Variants in LRRC20 observed in about 807,000 individuals in gnomAD.
LRRC20 encodes leucine-rich repeat-containing protein 20.
In LRRC20, 11 loss-of-function variants were observed where a neutral mutation model predicts 14.4. That is an observed-to-expected ratio of 0.77 (90% CI 0.48 to 1.27). The LOEUF is 1.27. Ranked by LOEUF, LRRC20 falls within the 50% of genes most tolerant of loss-of-function variation. LRRC20 has a pLI of 0.00. For missense variants in LRRC20, 219 were observed against 251.2 expected (o/e 0.87, Z 0.87); for synonymous variants, 121 against 107.3 (o/e 1.13, Z -0.79).
intron 2 of LRRC20, among the ~76,000 whole-genome samples, chr10:70,346,837 T>G (rs1353091752): frequency 6.6e-6 from 1 of 152,234 alleles, no homozygotes; most frequent in East Asian, 1.9e-4. Context: ...TTGCCAAGTA[T>G]CTGTATACAG....
At chr10:70,338,724 G>A (rs1424807978) in intron 3 of LRRC20, among the ~76,000 whole-genome samples, 6 of 152,194 alleles carry the variant, frequency 3.9e-5, no homozygotes, top group Admixed American at 1.3e-4. Context: ...GCAGTGGCAC[G>A]ATCGCAGCTC....
At chr10:70,322,696 G>A (rs1842133176) in intron 4 of LRRC20, among the ~76,000 whole-genome samples, 2 of 152,152 alleles carry the variant, frequency 1.3e-5, no homozygotes, top group Non-Finnish European at 2.9e-5. Flanking sequence ...CGTCTATCCT[G>A]GGCACAGGGC....
chr10:70,382,263 T>C (rs1844734126), intron 1 of LRRC20, among the ~76,000 whole-genome samples: 1 of 152,204 alleles, frequency 6.6e-6, no homozygotes, highest in Non-Finnish European at 1.5e-5. Context: ...GAGCTCCCTA[T>C]TCCCTGGCAC....
At position 70,323,824 on chromosome 10, in the gene LRRC20, G is replaced by A. The variant is rs180743589; in HGVS notation, c.400+39C>T. On this transcript the variant is annotated intron_variant, in intron 4 of 4. Transcript: ENST00000446961. ...GAGTCCTGTGGCCCATGAGCGCCTC[G>A]TGCAGCAGCCCAGGGCCAGGTGGGC... is the stretch of plus-strand genomic sequence containing the variant. 6.0e-5 allele frequency: 96 copies of A among 1,610,158 alleles called. 1 individual carries two copies. The South Asian group carries it at 6.7e-4, about 11-fold the overall frequency.
intron 2 of LRRC20, among the ~76,000 whole-genome samples, chr10:70,362,318 A>C (rs1445812691): frequency 2.0e-5 from 3 of 152,268 alleles, no homozygotes; most frequent in Non-Finnish European, 4.4e-5. Context: ...TTAATAGTTC[A>C]AAGGACTGAT....
intron 2 of LRRC20, among the ~76,000 whole-genome samples, chr10:70,353,872 C>A (rs545504037): frequency 2.0e-5 from 3 of 152,136 alleles, no homozygotes; most frequent in Non-Finnish European, 4.4e-5. Flanking sequence ...GCAGATAGAT[C>A]TTCCATGATT....
At chr10:70,347,552 C>T (rs537648171) in intron 2 of LRRC20, among the ~76,000 whole-genome samples, 64 of 152,116 alleles carry the variant, frequency 4.2e-4, no homozygotes, top group Non-Finnish European at 8.2e-4. Context: ...GGCACGGTGG[C>T]TCACGTGTGT....
At chr10:70,306,023 G>C (rs2136868383) in intron 4 of LRRC20, among the ~76,000 whole-genome samples, 1 of 152,260 alleles carries the variant, frequency 6.6e-6, no homozygotes, top group East Asian at 1.9e-4. Flanking sequence ...TCCAAGGCGT[G>C]AGCCACTGCG....
intron 3 of LRRC20, among the ~76,000 whole-genome samples, chr10:70,325,801 C>T (rs897838526): frequency 6.6e-6 from 1 of 152,180 alleles, no homozygotes; most frequent in African/African-American, 2.4e-5. Context: ...TGAGTCTGTC[C>T]TTCCTCCCTT....
rs1347583056 is a variant in LRRC20, at chr10:70,353,883, TA to T, written c.83-13182del. Among the ~76,000 whole-genome samples the T allele has an allele frequency of 2.6e-5, 4 of 152,112 alleles. No individual in the cohort carries two copies. The East Asian group carries it at 7.7e-4, about 29-fold the overall frequency. On this transcript the variant is annotated intron_variant, in intron 2 of 4. Coordinates refer to ENST00000446961, the MANE Select transcript of LRRC20 (RefSeq NM_001278212.2). ...ATGAGCAGATAGATCTTCCATGATT[TA>T]CAATGGGTTCCCTGGGAACACTAGT...
intron 2 of LRRC20, among the ~76,000 whole-genome samples, chr10:70,341,637 A>G (rs1411301193): frequency 6.6e-6 from 1 of 152,070 alleles, no homozygotes; most frequent in Non-Finnish European, 1.5e-5. Flanking sequence ...GCATGGTGGT[A>G]TGTACCTGTA....
chr10:70,361,125 T>C (rs891946218), intron 2 of LRRC20, among the ~76,000 whole-genome samples: 1 of 151,618 alleles, frequency 6.6e-6, no homozygotes, highest in Non-Finnish European at 1.5e-5. Flanking sequence ...AGTTCAAATC[T>C]CAGCACAAGA....
At chr10:70,332,760 C>G (rs768819782) in intron 3 of LRRC20, among the ~76,000 whole-genome samples, 1 of 152,188 alleles carries the variant, frequency 6.6e-6, no homozygotes, top group African/African-American at 2.4e-5. Context: ...ATTATAAATG[C>G]TACTATTATG....
At position 70,319,173 on chromosome 10, in the gene LRRC20, G is replaced by GAA. The variant is rs11439728; in HGVS notation, c.400+4688_400+4689dup. Reference sequence around the variant, plus strand: ...CTCTCTGGAGCAGTGGGTGTATAGGGAAAAAAAAAAAAAAAAAGAAAGAAA... The same window carrying GAA: ...CTCTCTGGAGCAGTGGGTGTATAGGGAAAAAAAAAAAAAAAAAAAGAAAGAAA... On this transcript the variant is annotated intron_variant, in intron 4 of 4. Transcript: ENST00000446961. Among the ~76,000 whole-genome samples, 698 of 125,250 alleles carry GAA rather than the reference G, an allele frequency of 5.6e-3. 15 individuals are homozygous for GAA. In the South Asian group the frequency reaches 0.072, roughly 13 times the overall value. 82.2% of individuals were successfully genotyped at this position (125,250 alleles called of 152,430 possible). A position where few individuals can be genotyped will look rare whatever the true frequency, so the allele number is the denominator to read the frequency against.
At chr10:70,307,960 C>A (rs910587739) in intron 4 of LRRC20, among the ~76,000 whole-genome samples, 1 of 152,246 alleles carries the variant, frequency 6.6e-6, no homozygotes, top group African/African-American at 2.4e-5. Flanking sequence ...ATCCGCTGAG[C>A]AGCAGCCCAG....
chr10:70,374,159 A>G (rs1250147711), intron 2 of LRRC20, among the ~76,000 whole-genome samples: 10 of 152,056 alleles, frequency 6.6e-5, no homozygotes, highest in Admixed American at 6.6e-4. Context: ...CAACTCAGGC[A>G]CACCCCTGCC....
intron 2 of LRRC20, among the ~76,000 whole-genome samples, chr10:70,369,301 G>C (rs556417860): frequency 6.6e-6 from 1 of 152,206 alleles, no homozygotes; most frequent in African/African-American, 2.4e-5. Flanking sequence ...ATCCCTCGGG[G>C]CAGGCAGCAG....
At chr10:70,338,990 G>A (rs1439477498) in intron 3 of LRRC20, among the ~76,000 whole-genome samples, 3 of 151,772 alleles carry the variant, frequency 2.0e-5, no homozygotes, top group African/African-American at 7.3e-5. Context: ...CACCTCTTGG[G>A]TATATACGTA....
chr10:70,357,871 T>C (rs78429704), intron 2 of LRRC20, among the ~76,000 whole-genome samples: 7,347 of 152,272 alleles, frequency 0.048, 226 homozygotes, highest in South Asian at 0.096. Flanking sequence ...GTATGGCCAC[T>C]AATGGCTCTA....
Sources: allele counts gnomAD v4.1 joint callset (sites outside exome capture counted in the v4.1 genomes callset), GRCh38; gene constraint gnomAD v4.1.1; transcripts MANE v1.5; gene names NCBI Gene and HGNC (gene_info 2026-07-23, HGNC 2026-07-21).